The following PDGFD variants were observed in gnomAD, a reference collection of about 807,000 sequenced individuals.
The protein encoded by PDGFD is platelet-derived growth factor D.
Under a neutral mutation model 44.7 loss-of-function variants are expected in PDGFD, and 30 were observed. The observed-to-expected ratio is 0.67, with a 90% CI of 0.50 to 0.91. The LOEUF is 0.91. Ranked by LOEUF, PDGFD falls within the 40% of genes least tolerant of loss-of-function variation. The pLI is 0.00. For missense variants in PDGFD, 445 were observed against 457.8 expected (o/e 0.97, Z 0.25); for synonymous variants, 173 against 168.4 (o/e 1.03, Z -0.21).
intron 1 of PDGFD, among the ~76,000 whole-genome samples, chr11:104,083,085 C>G (rs1861070167): frequency 6.6e-6 from 1 of 152,160 alleles, no homozygotes; most frequent in South Asian, 2.1e-4. Context: ...ATAAACCACA[C>G]ACATAATGCA....
chr11:104,137,762 A>C (rs1054192038), intron 1 of PDGFD, among the ~76,000 whole-genome samples: 26 of 121,596 alleles, frequency 2.1e-4, no homozygotes, highest in Admixed American at 1.8e-4. Flanking sequence ...TTTACATTCT[A>C]ACCTACTGGA....
At chr11:104,028,077 C>T (rs1860071316) in intron 1 of PDGFD, among the ~76,000 whole-genome samples, 1 of 151,628 alleles carries the variant, frequency 6.6e-6, no homozygotes, top group Non-Finnish European at 1.5e-5. Flanking sequence ...GTAGTCCCAG[C>T]TACTCTGGAG....
chr11:103,942,252 C>T lies in PDGFD; in HGVS notation c.772+1200G>A, dbSNP rs554439972. On this transcript the variant is annotated intron_variant, in intron 5 of 6. Coordinates refer to ENST00000393158, the MANE Select transcript of PDGFD (RefSeq NM_025208.5). ...ATATCTACAATGCAAACCAGCCTTT[C>T]GAGACCTTTTAGGGAACATTTCAAT... 3.3e-5 allele frequency among the ~76,000 whole-genome samples: 5 copies of T among 152,116 alleles called. No individual in the cohort carries two copies. In the South Asian group the frequency reaches 6.2e-4, roughly 19 times the overall value.
At chr11:103,960,379 C>G (rs1375008721) in intron 3 of PDGFD, among the ~76,000 whole-genome samples, 2 of 152,144 alleles carry the variant, frequency 1.3e-5, no homozygotes, top group Middle Eastern at 3.2e-3. Flanking sequence ...ATGCCTCACA[C>G]TTACACTTTA....
At chr11:103,991,102 G>A (rs1249314462) in intron 3 of PDGFD, among the ~76,000 whole-genome samples, 1 of 151,184 alleles carries the variant, frequency 6.6e-6, no homozygotes, top group Non-Finnish European at 1.5e-5. Context: ...TTGCACCACT[G>A]CACTCCAGCC....
chr11:104,087,715 T>C (rs1861153278), intron 1 of PDGFD, among the ~76,000 whole-genome samples: 1 of 152,208 alleles, frequency 6.6e-6, no homozygotes, highest in South Asian at 2.1e-4. Context: ...GAACAATTTC[T>C]GCAATATTTT....
At chr11:104,104,560 G>A (rs1861445166) in intron 1 of PDGFD, among the ~76,000 whole-genome samples, 1 of 152,028 alleles carries the variant, frequency 6.6e-6, no homozygotes, top group Admixed American at 6.6e-5. Flanking sequence ...ACTGCCCACA[G>A]TATTTAGTAG....
At chr11:104,082,012 G>T (rs1861051097) in intron 1 of PDGFD, among the ~76,000 whole-genome samples, 1 of 151,670 alleles carries the variant, frequency 6.6e-6, no homozygotes, top group African/African-American at 2.4e-5. Context: ...CTTGGTGTAG[G>T]AGATTGAGCT....
intron 3 of PDGFD, among the ~76,000 whole-genome samples, chr11:103,975,770 G>C (rs1443248093): frequency 6.6e-6 from 1 of 152,034 alleles, no homozygotes; most frequent in African/African-American, 2.4e-5. Flanking sequence ...CCCATTGCTT[G>C]TTTTTGTCAG....
intron 1 of PDGFD, among the ~76,000 whole-genome samples, chr11:104,105,396 G>C (rs1392015352): frequency 6.6e-6 from 1 of 152,000 alleles, no homozygotes; most frequent in Non-Finnish European, 1.5e-5. Context: ...ATGCCTGCTA[G>C]ATAAAGTCAC....
Position 103,908,291 on chromosome 11 carries a change from A to G in PDGFD, c.*1403T>C, listed in dbSNP as rs1212302302. ...TCCTGGAGTTAGTCTCCTTTAAAAC[A>G]GACACAAAGGAGGCAGAGAGAAAAA... On this transcript the variant is annotated 3_prime_UTR_variant, in exon 7 of 7. Transcript: ENST00000393158. 1 of 152,214 alleles carries G rather than the reference A, an allele frequency of 6.6e-6. No individual in the cohort carries two copies. The highest frequency in any genetic ancestry group is 1.5e-5 in the Non-Finnish European group (1 of 68,036). 9.4% of individuals were successfully genotyped at this position (152,214 alleles called of 1,614,324 possible). A position where few individuals can be genotyped will look rare whatever the true frequency, so the allele number is the denominator to read the frequency against.
Position 103,909,590 on chromosome 11 carries a change from C to T in PDGFD, c.*104G>A. ...GCAACCACTTGTGTTCATTGCATTG[C>T]AGGCTAGTAGTAAGTTTGGTTGCTG... On this transcript the variant is annotated 3_prime_UTR_variant, in exon 7 of 7. Coordinates refer to ENST00000393158, the MANE Select transcript of PDGFD (RefSeq NM_025208.5). 1.4e-6 allele frequency: 2 copies of T among 1,417,584 alleles called. No individual in the cohort carries two copies. The highest frequency in any genetic ancestry group is 1.7e-5 in the Admixed American group (1 of 57,452). The allele number at this position is 1,417,584 out of a possible 1,614,324, so 87.8% of individuals were successfully genotyped here. A position where few individuals can be genotyped will look rare whatever the true frequency, so the allele number is the denominator to read the frequency against.
intron 1 of PDGFD, among the ~76,000 whole-genome samples, chr11:104,160,093 C>G (rs917798788): frequency 1.3e-5 from 2 of 152,132 alleles, no homozygotes; most frequent in Non-Finnish European, 2.9e-5. Context: ...CCTTTAAGCT[C>G]TGATCTTTGT....
intron 1 of PDGFD, among the ~76,000 whole-genome samples, chr11:104,131,827 A>AG (rs34867731): frequency 2.0e-4 from 22 of 109,744 alleles, no homozygotes; most frequent in African/African-American, 6.9e-4. Context: ...AAAAAAAAAA[A>AG]GGGGATGCTT....
chr11:104,115,863 A>G (rs1035653388), intron 1 of PDGFD, among the ~76,000 whole-genome samples: 1 of 151,762 alleles, frequency 6.6e-6, no homozygotes, highest in Non-Finnish European at 1.5e-5. Flanking sequence ...TCATGTCCTT[A>G]GCCCACTTTT....
intron 3 of PDGFD, among the ~76,000 whole-genome samples, chr11:103,956,168 C>T (rs1035834205): frequency 2.5e-4 from 38 of 150,522 alleles, no homozygotes; most frequent in African/African-American, 9.1e-4. Context: ...CCCATTAACT[C>T]GTCATTTAGC....
intron 1 of PDGFD, among the ~76,000 whole-genome samples, chr11:104,146,259 T>C (rs913716733): frequency 1.3e-5 from 2 of 152,182 alleles, no homozygotes; most frequent in African/African-American, 4.8e-5. Flanking sequence ...CTGGAAGACA[T>C]ACGTTTGGGA....
At chr11:104,159,330 C>T (rs569071081) in intron 1 of PDGFD, among the ~76,000 whole-genome samples, 1 of 152,166 alleles carries the variant, frequency 6.6e-6, no homozygotes, top group South Asian at 2.1e-4. Flanking sequence ...CAATGTATTC[C>T]CTGAATGGCA....
At chr11:104,047,311 G>A (rs151261834) in intron 1 of PDGFD, among the ~76,000 whole-genome samples, 4,503 of 147,222 alleles carry the variant, frequency 0.031, 477 homozygotes, top group East Asian at 0.16. Context: ...TTGAAGAATC[G>A]CCACACTGTC....
Sources: allele counts gnomAD v4.1 joint callset (sites outside exome capture counted in the v4.1 genomes callset), GRCh38; gene constraint gnomAD v4.1.1; transcripts MANE v1.5; gene names NCBI Gene and HGNC (gene_info 2026-07-23, HGNC 2026-07-21).